Variants in SLC24A3 observed in about 807,000 individuals in gnomAD.
SLC24A3 encodes solute carrier family 24 member 3.
Under a neutral mutation model 75.8 loss-of-function variants are expected in SLC24A3, and 28 were observed. The ratio of observed to expected loss-of-function variants is 0.37; its 90% CI spans 0.27 to 0.51. The LOEUF is 0.51. Ranked by LOEUF, SLC24A3 falls within the 20% of genes least tolerant of loss-of-function variation. The pLI is 0.94. For missense variants in SLC24A3, 663 were observed against 847.8 expected (o/e 0.78, Z 2.71); for synonymous variants, 372 against 334.1 (o/e 1.11, Z -1.24).
Position 19,379,127 on chromosome 20 carries a change from G to A in SLC24A3, c.271+98040G>A, listed in dbSNP as rs61354913. 1.0e-2 allele frequency among the ~76,000 whole-genome samples: 1,520 copies of A among 152,172 alleles called. 24 individuals carry two copies. The highest frequency in any genetic ancestry group is 0.033 in the African/African-American group (1,386 of 41,508). On this transcript the variant is annotated intron_variant, in intron 2 of 16. Coordinates refer to ENST00000328041, the MANE Select transcript of SLC24A3 (RefSeq NM_020689.4). The stretch of plus-strand genomic sequence containing the variant: ...CAAAACAAGCAGATGAACCATGAGC[G>A]GTAAAAATGTGCTCTACGGAATGTG...
chr20:19,649,761 T>C (rs2032179875), intron 6 of SLC24A3, among the ~76,000 whole-genome samples: 1 of 152,114 alleles, frequency 6.6e-6, no homozygotes, highest in Non-Finnish European at 1.5e-5. Context: ...TAGTGAAGCA[T>C]TGTAGTATAG....
At position 19,257,204 on chromosome 20, in the gene SLC24A3, G is replaced by A. The variant is rs192323761; in HGVS notation, c.143-23755G>A. 2.1e-3 allele frequency among the ~76,000 whole-genome samples: 325 copies of A among 152,294 alleles called. 1 individual carries two copies. The highest frequency in any genetic ancestry group is 7.6e-3 in the African/African-American group (316 of 41,566). On this transcript the variant is annotated intron_variant, in intron 1 of 16. Coordinates refer to ENST00000328041, the MANE Select transcript of SLC24A3 (RefSeq NM_020689.4). Reference sequence around the variant, plus strand: ...AAGGAGGCACAGAGTCACATAAGGCGAGCCCAGGAGCTGGGACCATCACTT... The same window carrying A: ...AAGGAGGCACAGAGTCACATAAGGCAAGCCCAGGAGCTGGGACCATCACTT...
chr20:19,685,877 C>T (rs542704982), intron 12 of SLC24A3, among the ~76,000 whole-genome samples: 2 of 152,184 alleles, frequency 1.3e-5, no homozygotes, highest in South Asian at 2.1e-4. Context: ...TCAGGCATCA[C>T]GATGAAGGAG....
At chr20:19,670,121 T>G (rs1268345382) in intron 8 of SLC24A3, among the ~76,000 whole-genome samples, 1 of 150,912 alleles carries the variant, frequency 6.6e-6, no homozygotes, top group Admixed American at 6.6e-5. Flanking sequence ...TGGCCCGACC[T>G]GGAGCTCTCT....
chr20:19,667,640 TTTGCTGTC>T (rs914852096), intron 8 of SLC24A3, among the ~76,000 whole-genome samples: 1 of 152,156 alleles, frequency 6.6e-6, no homozygotes, highest in Admixed American at 6.5e-5. Context: ...CCCAGGATGG[TTTGCTGTC>T]AGCCTTAGAG....
Position 19,520,057 on chromosome 20 carries a change from G to A in SLC24A3, c.348+4493G>A, listed in dbSNP as rs4814866. Among the ~76,000 whole-genome samples, 918 of 152,224 alleles carry A rather than the reference G, an allele frequency of 6.0e-3. 31 individuals carry two copies. The East Asian group carries it at 0.067, about 11-fold the overall frequency. ...TAATGTAATTCCTGTCTTCTGGAAGGCAGATATTTCTATATGCTTGTGTGT... is the reference window on the plus strand; with the variant it reads ...TAATGTAATTCCTGTCTTCTGGAAGACAGATATTTCTATATGCTTGTGTGT... On this transcript the variant is annotated intron_variant, in intron 3 of 16. Coordinates refer to ENST00000328041, the MANE Select transcript of SLC24A3 (RefSeq NM_020689.4).
At chr20:19,356,795 A>G (rs1985694665) in intron 2 of SLC24A3, among the ~76,000 whole-genome samples, 1 of 152,078 alleles carries the variant, frequency 6.6e-6, no homozygotes, top group Non-Finnish European at 1.5e-5. Flanking sequence ...CTAGCAGGGG[A>G]TGCAAGTTCC....
intron 1 of SLC24A3, among the ~76,000 whole-genome samples, chr20:19,270,550 C>A (rs1302830400): frequency 1.3e-5 from 2 of 152,122 alleles, no homozygotes; most frequent in African/African-American, 4.8e-5. Context: ...ATTATTGTAT[C>A]CTCATGTGGT....
intron 2 of SLC24A3, among the ~76,000 whole-genome samples, chr20:19,311,880 C>A (rs572700784): frequency 6.7e-4 from 102 of 152,202 alleles, no homozygotes; most frequent in Non-Finnish European, 1.2e-3. Context: ...GGATCGAGGC[C>A]CACTGAGAAA....
intron 12 of SLC24A3, among the ~76,000 whole-genome samples, chr20:19,690,586 C>T (rs975155235): frequency 1.3e-5 from 2 of 152,116 alleles, no homozygotes; most frequent in Middle Eastern, 3.2e-3. Flanking sequence ...TATGGAAGGC[C>T]GTTGAGGGGA....
intron 2 of SLC24A3, among the ~76,000 whole-genome samples, chr20:19,376,502 CT>C (rs1203093947): frequency 1.3e-5 from 2 of 152,190 alleles, no homozygotes; most frequent in Admixed American, 6.5e-5. Flanking sequence ...TCGTGGCAGG[CT>C]ATCGTTCTAG....
At chr20:19,373,207 A>G (rs6136697) in intron 2 of SLC24A3, among the ~76,000 whole-genome samples, 8,671 of 152,016 alleles carry the variant, frequency 0.057, 689 homozygotes, top group East Asian at 0.3. Context: ...GCTGGTGTTT[A>G]GTTCCTGAGA....
intron 1 of SLC24A3, among the ~76,000 whole-genome samples, chr20:19,216,460 A>T (rs1457982112): frequency 2.0e-5 from 3 of 152,166 alleles, no homozygotes; most frequent in South Asian, 4.1e-4. Context: ...ATTTTTTTTA[A>T]TTAGCTGGGT....
At chr20:19,281,135 T>A (rs1983651855) in intron 2 of SLC24A3, 48 bp downstream of exon 2, 9 of 1,604,296 alleles carry the variant, frequency 5.6e-6, no homozygotes, top group Non-Finnish European at 6.8e-6. Flanking sequence ...TTTCTCTGGC[T>A]ATGGCTGAGG....
chr20:19,698,424 T>A, intron 14 of SLC24A3, 144 bp from the exon 15 acceptor site: 1 of 577,048 alleles, frequency 1.7e-6, no homozygotes, highest in Non-Finnish European at 3.1e-6. Flanking sequence ...TGTCATCCTT[T>A]CACATGGGTG....
intron 6 of SLC24A3, among the ~76,000 whole-genome samples, chr20:19,644,795 A>C (rs2032115958): frequency 6.6e-6 from 1 of 152,208 alleles, no homozygotes; most frequent in Non-Finnish European, 1.5e-5. Context: ...TCCAGGGGAA[A>C]ATTAGATGAC....
intron 15 of SLC24A3, among the ~76,000 whole-genome samples, chr20:19,714,519 A>C (rs1241063445): frequency 6.6e-6 from 1 of 152,102 alleles, no homozygotes; most frequent in Non-Finnish European, 1.5e-5. Flanking sequence ...AAGGCAGCTG[A>C]AGGAGCCCTC....
rs966637208 is a variant in SLC24A3, at chr20:19,596,316, G to A, written c.612+10772G>A. On this transcript the variant is annotated intron_variant, in intron 6 of 16. Transcript: ENST00000328041. ...ATTTTTTGGAGGTGATGCCAAGAGG[G>A]TTTGCAGGTCAGTTGGAAATAGGAG... 2.0e-5 allele frequency among the ~76,000 whole-genome samples: 3 copies of A among 152,166 alleles called. No individual in the cohort carries two copies. The East Asian group carries it at 5.8e-4, about 29-fold the overall frequency.
In SLC24A3 at chr20:19,711,378, ACG is replaced by A. The variant is rs566944056; in HGVS notation, c.1720-6148_1720-6147del. Among the ~76,000 whole-genome samples, 977 of 152,172 alleles carry A rather than the reference ACG, an allele frequency of 6.4e-3. 1 individual carries two copies. The highest frequency in any genetic ancestry group is 0.011 in the Non-Finnish European group (757 of 67,988). On this transcript the variant is annotated intron_variant, in intron 15 of 16. Coordinates refer to ENST00000328041, the MANE Select transcript of SLC24A3 (RefSeq NM_020689.4). Reference sequence around the variant, plus strand: ...CACATGCATGCACACATGCAAGCAAACGCACACATATCCACACATGCAAACAC... The same window carrying A: ...CACATGCATGCACACATGCAAGCAAACACACATATCCACACATGCAAACAC...
Sources: gnomAD v4.1 joint callset for allele counts (sites outside exome capture counted in the v4.1 genomes callset) on GRCh38, gnomAD v4.1.1 for gene constraint, MANE v1.5 for transcripts, NCBI Gene and HGNC (gene_info 2026-07-23, HGNC 2026-07-21) for gene names.